Variants in XKR9 observed in about 807,000 individuals in gnomAD.
XKR9 encodes XK related 9.
In XKR9, 32 loss-of-function variants were observed where a neutral mutation model predicts 32.0. That is an observed-to-expected ratio of 1.00 (90% CI 0.76 to 1.34). XKR9 has a LOEUF of 1.34. Ranked by LOEUF, XKR9 falls within the 40% of genes most tolerant of loss-of-function variation. The pLI, the probability that XKR9 is intolerant of heterozygous loss-of-function variation, is 0.00. For synonymous variants in XKR9, 168 were observed against 143.4 expected (o/e 1.17, Z -1.22); for missense variants, 546 against 429.7 (o/e 1.27, Z -2.39).
At chr8:71,059,596 C>A in the XKR9 span, among the ~76,000 whole-genome samples, 1 of 152,194 alleles carries the variant, frequency 6.6e-6, no homozygotes, top group Non-Finnish European at 1.5e-5. Flanking sequence ...TTTCCAGAAA[C>A]TTGAAAGGAG....
At chr8:70,764,103 T>C (rs566919713) in intron 2 of XKR9, among the ~76,000 whole-genome samples, 1 of 152,330 alleles carries the variant, frequency 6.6e-6, no homozygotes, top group Non-Finnish European at 1.5e-5. Context: ...AGATAACCTA[T>C]GTCATGACTG....
At chr8:70,993,030 T>A in the XKR9 span, among the ~76,000 whole-genome samples, 1 of 152,246 alleles carries the variant, frequency 6.6e-6, no homozygotes, top group Admixed American at 6.5e-5. Flanking sequence ...TACCTTTGTG[T>A]CTCTTCAGCA....
the XKR9 span, among the ~76,000 whole-genome samples, chr8:70,834,132 T>G: frequency 6.6e-6 from 1 of 152,084 alleles, no homozygotes; most frequent in Non-Finnish European, 1.5e-5. Flanking sequence ...TCTATATGTA[T>G]GTATTTCTAA....
the XKR9 span, among the ~76,000 whole-genome samples, chr8:70,998,040 C>A: frequency 2.0e-5 from 3 of 152,120 alleles, no homozygotes; most frequent in Non-Finnish European, 1.5e-5. Flanking sequence ...ATAACTGAGC[C>A]TTTTTCAATT....
chr8:70,775,197 G>A (rs1238287314), intron 2 of XKR9, among the ~76,000 whole-genome samples: 1 of 151,902 alleles, frequency 6.6e-6, no homozygotes, highest in Non-Finnish European at 1.5e-5. Context: ...TGCTAAGTTT[G>A]GTTCTTAATT....
the XKR9 span, among the ~76,000 whole-genome samples, chr8:70,951,922 T>C: frequency 5.3e-5 from 8 of 151,902 alleles, no homozygotes; most frequent in South Asian, 1.7e-3. Context: ...CCCTGTAGTC[T>C]ATAACTCATT....
the XKR9 span, among the ~76,000 whole-genome samples, chr8:71,039,609 CA>C: frequency 6.6e-6 from 1 of 151,828 alleles, no homozygotes; most frequent in East Asian, 1.9e-4. Context: ...AGTGGAAGGA[CA>C]AAAAAAGATA....
At chr8:70,682,026 T>C (rs553905254) in intron 3 of XKR9, among the ~76,000 whole-genome samples, 50 of 152,284 alleles carry the variant, frequency 3.3e-4, no homozygotes, top group East Asian at 1.2e-3. Flanking sequence ...TGGAGACTTA[T>C]AGTTTTCAAA....
chr8:71,058,421 T>C, the XKR9 span, among the ~76,000 whole-genome samples: 2 of 152,162 alleles, frequency 1.3e-5, no homozygotes, highest in East Asian at 3.9e-4. Flanking sequence ...GACTAGAAGA[T>C]CATGGAGATT....
intron 2 of XKR9, among the ~76,000 whole-genome samples, chr8:70,769,607 C>G (rs1586891152): frequency 6.6e-6 from 1 of 151,964 alleles, no homozygotes; most frequent in Admixed American, 6.6e-5. Flanking sequence ...TTCATGTAGT[C>G]CCATATTTCT....
chr8:70,993,609 C>A, the XKR9 span, among the ~76,000 whole-genome samples: 5 of 35,018 alleles, frequency 1.4e-4, no homozygotes, highest in Admixed American at 9.7e-4. Context: ...CATCTTCCTT[C>A]CTTCCTTCCT....
rs377096936 is a variant in XKR9, at chr8:70,734,274, T to C, written c.972T>C (p.Thr324=). The change falls in exon 5 of 5, where the codon ACT becomes ACC. Residue 324 remains threonine, a synonymous_variant. Coordinates refer to ENST00000408926, the MANE Select transcript of XKR9 (RefSeq NM_001011720.2). The part of the protein sequence containing the change: ...NPDYFIPISI[T]IVLTLLLGIL... ...ACTATTTTATACCTATCAGTATAAC[T>C]ATAGTTCTTACTCTTCTTCTTGGAA... 2 of 1,612,602 alleles carry C rather than the reference T, an allele frequency of 1.2e-6. No homozygotes were observed. The highest frequency in any genetic ancestry group is 1.7e-6 in the Non-Finnish European group (2 of 1,179,198).
At chr8:70,919,981 C>A in the XKR9 span, among the ~76,000 whole-genome samples, 3 of 152,142 alleles carry the variant, frequency 2.0e-5, no homozygotes, top group African/African-American at 7.2e-5. Flanking sequence ...AAACTCTGTT[C>A]ATTGTCTATA....
At chr8:71,040,651 T>C in the XKR9 span, among the ~76,000 whole-genome samples, 1 of 152,168 alleles carries the variant, frequency 6.6e-6, no homozygotes, top group African/African-American at 2.4e-5. Context: ...GTTTCATCAT[T>C]ATTATTATTT....
chr8:70,907,414 C>T, the XKR9 span, among the ~76,000 whole-genome samples: 20 of 152,186 alleles, frequency 1.3e-4, no homozygotes, highest in Admixed American at 8.5e-4. Flanking sequence ...GCTTTTATGA[C>T]AGTCTGTACT....
chr8:71,021,845 C>G, the XKR9 span, among the ~76,000 whole-genome samples: 7 of 152,138 alleles, frequency 4.6e-5, no homozygotes. Context: ...CAGTTTAATT[C>G]TGATTCATCC....
At chr8:71,006,863 C>A in the XKR9 span, among the ~76,000 whole-genome samples, 2 of 152,120 alleles carry the variant, frequency 1.3e-5, no homozygotes, top group Non-Finnish European at 1.5e-5. Flanking sequence ...GTTTTAGACA[C>A]TAAGAAAATT....
chr8:71,022,550 CTCTTTG>C, the XKR9 span, among the ~76,000 whole-genome samples: 147 of 152,224 alleles, frequency 9.7e-4, 3 homozygotes, highest in Admixed American at 9.5e-3. Flanking sequence ...TCAGAATTCT[CTCTTTG>C]TCTTTGACTT....
At chr8:70,721,951 T>C (rs1197448724) in intron 4 of XKR9, among the ~76,000 whole-genome samples, 3 of 152,184 alleles carry the variant, frequency 2.0e-5, no homozygotes, top group African/African-American at 7.2e-5. Context: ...TGTACATCTC[T>C]AAGAACTTGC....
Sources: allele counts gnomAD v4.1 joint callset (sites outside exome capture counted in the v4.1 genomes callset), GRCh38; gene constraint gnomAD v4.1.1; transcripts MANE v1.5; gene names NCBI Gene and HGNC (gene_info 2026-07-23, HGNC 2026-07-21).